CMSS1: variants seen among roughly 807,000 people sequenced by gnomAD.
CMSS1 encodes the protein cms1 ribosomal small subunit homolog.
Under a neutral mutation model 43.5 loss-of-function variants are expected in CMSS1, and 33 were observed. That is an observed-to-expected ratio of 0.76 (90% CI 0.57 to 1.01). The LOEUF is 1.01. Among genes scored for constraint, CMSS1 ranks in the 50% least tolerant of loss-of-function variants. CMSS1 has a pLI of 0.00. For synonymous variants in CMSS1, 115 were observed against 117.2 expected (o/e 0.98, Z 0.12); for missense variants, 313 against 326.4 (o/e 0.96, Z 0.32).
chr3:99,847,593 G>A (rs1186586671), intron 1 of CMSS1, among the ~76,000 whole-genome samples: 1 of 152,052 alleles, frequency 6.6e-6, no homozygotes, highest in Non-Finnish European at 1.5e-5. Flanking sequence ...TTATTCGGTA[G>A]TATTTTATTT....
At chr3:99,980,926 C>G (rs1559712345) in intron 1 of CMSS1, among the ~76,000 whole-genome samples, 2 of 152,046 alleles carry the variant, frequency 1.3e-5, no homozygotes, top group Non-Finnish European at 2.9e-5. Flanking sequence ...TCAATACTGG[C>G]TATGTACCCA....
intron 2 of CMSS1, among the ~76,000 whole-genome samples, chr3:100,150,435 A>G (rs1185713096): frequency 6.6e-6 from 1 of 152,206 alleles, no homozygotes; most frequent in Non-Finnish European, 1.5e-5. Flanking sequence ...TTATGCTTGT[A>G]CAGGAACTAC....
At position 99,880,218 on chromosome 3, in the gene CMSS1, C is replaced by A. The variant is rs570889468; in HGVS notation, c.64+62175C>A. ...AGACAATCATTTTTCTAATCAACCT[C>A]ATTTCTTCACTCTTCTTTCACTCTT... On this transcript the variant is annotated intron_variant, in intron 1 of 9. Coordinates refer to ENST00000421999, the MANE Select transcript of CMSS1 (RefSeq NM_032359.4). Among the ~76,000 whole-genome samples the A allele has an allele frequency of 3.9e-5, 6 of 152,286 alleles. No homozygotes were observed. In the South Asian group the frequency reaches 1.2e-3, roughly 32 times the overall value.
intron 1 of CMSS1, among the ~76,000 whole-genome samples, chr3:100,018,024 G>T (rs983135693): frequency 6.6e-6 from 1 of 151,978 alleles, no homozygotes; most frequent in East Asian, 1.9e-4. Flanking sequence ...TGTGCACAGT[G>T]ACCAATATGT....
At chr3:99,838,057 C>T (rs1330923846) in intron 1 of CMSS1, among the ~76,000 whole-genome samples, 4 of 152,232 alleles carry the variant, frequency 2.6e-5, no homozygotes, top group African/African-American at 9.6e-5. Context: ...GTACCTCCTG[C>T]TCTGCACATA....
chr3:100,109,838 A>T (rs561671685), intron 1 of CMSS1: 1 of 151,918 alleles, frequency 6.6e-6, no homozygotes, highest in Non-Finnish European at 1.5e-5. Context: ...AAAAGCATCA[A>T]ACTCAGGAAT....
intron 1 of CMSS1, among the ~76,000 whole-genome samples, chr3:100,038,418 T>G (rs2065146299): frequency 6.6e-6 from 1 of 152,200 alleles, no homozygotes; most frequent in African/African-American, 2.4e-5. Context: ...CCAAATTATT[T>G]CTTTTTTCAC....
At chr3:100,133,272 CATAAT>C (rs1291672136) in intron 1 of CMSS1, among the ~76,000 whole-genome samples, 7 of 152,052 alleles carry the variant, frequency 4.6e-5, no homozygotes, top group African/African-American at 9.7e-5. Context: ...GGGAAATACT[CATAAT>C]ATAATATTAA....
intron 1 of CMSS1, among the ~76,000 whole-genome samples, chr3:99,937,788 T>G (rs1032877540): frequency 1.3e-5 from 2 of 152,080 alleles, no homozygotes; most frequent in Admixed American, 6.5e-5. Context: ...TGGCTAGAAA[T>G]TAGAAAAAGG....
intron 1 of CMSS1, chr3:100,114,100 C>T (rs1298801475): frequency 1.3e-5 from 2 of 152,148 alleles, no homozygotes; most frequent in East Asian, 3.9e-4. Flanking sequence ...ATTCCTTCTT[C>T]TCATCCCCAC....
intron 1 of CMSS1, among the ~76,000 whole-genome samples, chr3:100,072,801 A>G (rs2065784746): frequency 6.6e-6 from 1 of 152,178 alleles, no homozygotes; most frequent in African/African-American, 2.4e-5. Context: ...AGAGGTTCTC[A>G]AATTCTAGGG....
chr3:99,891,408 G>A (rs1481738078), intron 1 of CMSS1, among the ~76,000 whole-genome samples: 1 of 152,064 alleles, frequency 6.6e-6, no homozygotes, highest in Non-Finnish European at 1.5e-5. Flanking sequence ...CATTCTCAAA[G>A]CAAAAACCAG....
intron 1 of CMSS1, among the ~76,000 whole-genome samples, chr3:100,035,659 T>A (rs2065095647): frequency 6.6e-6 from 1 of 152,232 alleles, no homozygotes; most frequent in Non-Finnish European, 1.5e-5. Context: ...AATTGAACCA[T>A]AGAAGAGGCA....
At chr3:99,900,603 G>T (rs975182028) in intron 1 of CMSS1, among the ~76,000 whole-genome samples, 2 of 152,176 alleles carry the variant, frequency 1.3e-5, no homozygotes, top group Non-Finnish European at 2.9e-5. Flanking sequence ...AAAGTTATTT[G>T]TTCCAACCAT....
intron 1 of CMSS1, among the ~76,000 whole-genome samples, chr3:100,009,360 A>G (rs1710077479): frequency 6.6e-6 from 1 of 152,204 alleles, no homozygotes; most frequent in South Asian, 2.1e-4. Flanking sequence ...AGTAGTGGTA[A>G]TAATAATGAT....
chr3:99,899,855 C>T (rs900560392), intron 1 of CMSS1, among the ~76,000 whole-genome samples: 2 of 152,120 alleles, frequency 1.3e-5, no homozygotes, highest in East Asian at 1.9e-4. Flanking sequence ...GAGTACCTTC[C>T]TCATAGGGTT....
chr3:99,952,100 T>C lies in CMSS1; in HGVS notation c.64+134057T>C, dbSNP rs1708193007. Among the ~76,000 whole-genome samples, 3 of 151,958 alleles carry C rather than the reference T, an allele frequency of 2.0e-5. No homozygotes were observed. In the South Asian group the frequency reaches 6.2e-4, roughly 32 times the overall value. ...CTCTGAAGCTGTTAAAGAGAATATA[T>C]AGATTTGGCACAGGCATCACCAGAG... On this transcript the variant is annotated intron_variant, in intron 1 of 9. Transcript: ENST00000421999.
At chr3:100,074,675 A>AGTTTTTTTTTTTTTTTTTTTTTTTT (rs2065818687) in intron 1 of CMSS1, among the ~76,000 whole-genome samples, 1 of 34,782 alleles carries the variant, frequency 2.9e-5, no homozygotes, top group African/African-American at 1.2e-4. Context: ...GCAACATTTG[A>AGTTTTTTTTTTTTTTTTTTTTTTTT]TTTTTTTTTT....
intron 1 of CMSS1, among the ~76,000 whole-genome samples, chr3:99,985,841 G>T (rs917332582): frequency 5.3e-5 from 8 of 152,042 alleles, no homozygotes; most frequent in African/African-American, 1.9e-4. Flanking sequence ...CACCCACCTC[G>T]GCCTCCCAAA....
Sources: gnomAD v4.1 joint callset for allele counts (sites outside exome capture counted in the v4.1 genomes callset) on GRCh38, gnomAD v4.1.1 for gene constraint, MANE v1.5 for transcripts, NCBI Gene and HGNC (gene_info 2026-07-23, HGNC 2026-07-21) for gene names.